Variants in HTR3E observed in about 807,000 individuals in gnomAD.
The protein encoded by HTR3E is 5-hydroxytryptamine (serotonin) receptor 3, family member E.
A neutral mutation model predicts 38.0 loss-of-function variants in HTR3E; 38 were observed. The observed-to-expected ratio is 1.00, with a 90% CI of 0.77 to 1.31. HTR3E has a LOEUF of 1.31. HTR3E is among the 50% of genes most tolerant of loss of function. HTR3E has a pLI of 0.00. For synonymous variants in HTR3E, 210 were observed against 232.9 expected (o/e 0.90, Z 0.89); for missense variants, 547 against 585.2 (o/e 0.93, Z 0.67).
At position 184,100,579 on chromosome 3, in the gene HTR3E, C is replaced by T. The variant is rs188850143; in HGVS notation, c.162C>T (p.Phe54=). ...ATTCAGTGTTTAATAGAAAGCCCTT[C>T]CGTCCGGTCACCAACATCAGCGTCC... ...ALNSVFNRKP[F]RPVTNISVPT... Residue 54 remains phenylalanine, a synonymous_variant, in exon 2 of 9, where the codon TTC becomes TTT. Coordinates refer to ENST00000415389, the MANE Select transcript of HTR3E (RefSeq NM_001256613.2). 1.3e-5 allele frequency: 21 copies of T among 1,614,186 alleles called. No homozygotes were observed. The East Asian group carries it at 4.5e-4, about 34-fold the overall frequency.
Position 184,106,898 on chromosome 3 carries a change from A to G in HTR3E, c.*205A>G. The G allele has an allele frequency of 1.6e-6, 1 of 620,640 alleles. No homozygotes were observed. The highest frequency in any genetic ancestry group is 2.8e-6 in the Non-Finnish European group (1 of 355,726). 38.4% of individuals were successfully genotyped at this position (620,640 alleles called of 1,614,324 possible). A position where few individuals can be genotyped will look rare whatever the true frequency, so the allele number is the denominator to read the frequency against. On this transcript the variant is annotated 3_prime_UTR_variant, in exon 9 of 9. Coordinates refer to ENST00000415389, the MANE Select transcript of HTR3E (RefSeq NM_001256613.2). The surrounding 1 kb of genome is among the most constrained non-coding windows in gnomAD (Gnocchi z 4.1). ...TTCCTGCATTTTGTTGGCTTCCTTC[A>G]GTCCTACCATATGGTTCTAGGTCCC...
intron 1 of HTR3E, among the ~76,000 whole-genome samples, chr3:184,099,008 A>C (rs888017721): frequency 3.3e-5 from 5 of 151,984 alleles, no homozygotes; most frequent in African/African-American, 1.2e-4. Context: ...GCACCACTGC[A>C]CTCCAGCCTG....
intron 3 of HTR3E, among the ~76,000 whole-genome samples, chr3:184,103,425 C>T (rs866133668): frequency 6.6e-6 from 1 of 152,036 alleles, no homozygotes; most frequent in Non-Finnish European, 1.5e-5. Context: ...GTCAGGAGAT[C>T]AAGACCATCC....
At chr3:184,102,628 A>G (rs1560095055) in intron 3 of HTR3E, among the ~76,000 whole-genome samples, 1 of 149,712 alleles carries the variant, frequency 6.7e-6, no homozygotes, top group East Asian at 2.0e-4. Flanking sequence ...CTTAAAGTAT[A>G]TAAAAAAAAA....
Position 184,105,356 on chromosome 3 carries a change from C to T in HTR3E, c.649C>T (p.Leu217Phe), listed in dbSNP as rs1196637118. The T allele has an allele frequency of 2.5e-6, 4 of 1,614,028 alleles. No homozygotes were observed. Among genetic ancestry groups the T allele is most frequent in the South Asian group, 2.2e-5 (2 of 91,082 alleles). Residue 217 changes from leucine to phenylalanine, a missense_variant, in exon 6 of 9, where the codon CTC becomes TTC. Coordinates refer to ENST00000415389, the MANE Select transcript of HTR3E (RefSeq NM_001256613.2). Reference protein sequence around the residue: ...NILQTHGEWELLGLSKATAKL... With the variant: ...NILQTHGEWEFLGLSKATAKL... ...CCTTCAGACCCATGGAGAATGGGAG[C>T]TCCTGGGCCTCAGCAAGGCCACCGC...
Position 184,106,364 on chromosome 3 carries a change from C to A in HTR3E, c.1141+21C>A. 6.3e-7 allele frequency: 1 copy of A among 1,591,648 alleles called. No individual in the cohort carries two copies. Among genetic ancestry groups the A allele is most frequent in the Non-Finnish European group, 8.6e-7 (1 of 1,168,860 alleles). ...GCCCGGTGAGGGAAGTCACATTCCT[C>A]TTCCCCCACCTCCACTTCTCTGCTC... On this transcript the variant is annotated intron_variant, in intron 8 of 8. Coordinates refer to ENST00000415389, the MANE Select transcript of HTR3E (RefSeq NM_001256613.2). The surrounding 1 kb of genome is among the most constrained non-coding windows in gnomAD (Gnocchi z 4.1).
chr3:184,099,740 A>AAAAACC (rs1560093087), intron 1 of HTR3E, among the ~76,000 whole-genome samples: 7 of 53,198 alleles, frequency 1.3e-4, no homozygotes, highest in Non-Finnish European at 2.5e-4. Context: ...AAAAAAAAAA[A>AAAAACC]GAAAGAAATA....
In HTR3E at chr3:184,106,618, C is replaced by T. The variant is rs780750233; in HGVS notation, c.1296C>T (p.Asp432=). Residue 432 remains aspartate, a synonymous_variant, in exon 9 of 9, where the codon GAC becomes GAT. Coordinates refer to ENST00000415389, the MANE Select transcript of HTR3E (RefSeq NM_001256613.2). The surrounding 1 kb of genome is among the most constrained non-coding windows in gnomAD (Gnocchi z 4.1). ...ELWLQFSHAM[D]AMLFRLYLLF... is the part of the protein sequence containing the mutation. ...GGTTGCAGTTCAGCCACGCGATGGA[C>T]GCCATGCTCTTCCGCCTCTACCTGC... 47 of 1,614,210 alleles carry T rather than the reference C, an allele frequency of 2.9e-5. No individual in the cohort carries two copies. Among genetic ancestry groups the T allele is most frequent in the Non-Finnish European group, 3.6e-5 (42 of 1,180,038 alleles).
chr3:184,106,762 C>A lies in HTR3E; in HGVS notation c.*69C>A. The A allele has an allele frequency of 2.7e-6, 4 of 1,491,892 alleles. No individual in the cohort carries two copies. Among genetic ancestry groups the A allele is most frequent in the Non-Finnish European group, 3.7e-6 (4 of 1,081,680 alleles). 92.4% of individuals were successfully genotyped at this position (1,491,892 alleles called of 1,614,324 possible). ...TCCAGGGACTGGCCAGGTCTCCCCC[C>A]TTTCCTGAGTACCAACTATCATATC... On this transcript the variant is annotated 3_prime_UTR_variant, in exon 9 of 9. Transcript: ENST00000415389. This position sits in a 1 kb window ranked among gnomAD's most constrained non-coding sequence, Gnocchi z 4.1.
chr3:184,100,397 G>A (rs969334908), intron 1 of HTR3E, 88 bp from the exon 2 acceptor site: 4 of 1,613,826 alleles, frequency 2.5e-6, no homozygotes, highest in South Asian at 1.1e-5. Context: ...TTTATCACGG[G>A]CGACCCCACG....
At position 184,099,568 on chromosome 3, in the gene HTR3E, G is replaced by A. The variant is rs550285291; in HGVS notation, c.68-917G>A. Among the ~76,000 whole-genome samples, 80 of 151,170 alleles carry A rather than the reference G, an allele frequency of 5.3e-4. 2 individuals carry two copies. The East Asian group carries it at 0.015, about 28-fold the overall frequency. ...TCTCTACTAAAAATACAAAAAATTA[G>A]CCGGGCGCGGTGGCGGGCGCCTGTA... On this transcript the variant is annotated intron_variant, in intron 1 of 8. Transcript: ENST00000415389.
In HTR3E at chr3:184,106,397, C is replaced by T; in HGVS notation, c.1141+54C>T. Reference sequence around the variant, plus strand: ...ACCTCCACTTCTCTGCTCCTGCCTCCTTCCCTGTCTCCCTCCCTCCACAGG... The same window carrying T: ...ACCTCCACTTCTCTGCTCCTGCCTCTTTCCCTGTCTCCCTCCCTCCACAGG... On this transcript the variant is annotated intron_variant, in intron 8 of 8. Coordinates refer to ENST00000415389, the MANE Select transcript of HTR3E (RefSeq NM_001256613.2). This position sits in a 1 kb window ranked among gnomAD's most constrained non-coding sequence, Gnocchi z 4.1. The T allele has an allele frequency of 6.4e-7, 1 of 1,564,528 alleles. No individual in the cohort carries two copies. The highest frequency in any genetic ancestry group is 1.2e-5 in the South Asian group (1 of 85,182).
chr3:184,100,444 G>T (rs1182783724), intron 1 of HTR3E, 41 bp from the exon 2 acceptor site: 1 of 1,613,992 alleles, frequency 6.2e-7, no homozygotes, highest in Non-Finnish European at 8.5e-7. Flanking sequence ...GGGAGCACAG[G>T]GTTGCTCTCC....
rs781700551 is a variant in HTR3E, at chr3:184,100,585, G to A, written c.168G>A (p.Pro56=). The A allele has an allele frequency of 6.2e-6, 10 of 1,614,010 alleles. No homozygotes were observed. Among genetic ancestry groups the A allele is most frequent in the African/African-American group, 2.7e-5 (2 of 74,992 alleles). ...TGTTTAATAGAAAGCCCTTCCGTCC[G>A]GTCACCAACATCAGCGTCCCCACCC... is the stretch of plus-strand genomic sequence containing the variant. ...NSVFNRKPFR[P]VTNISVPTQV... is the part of the protein sequence containing the mutation. The change falls in exon 2 of 9, where the codon CCG becomes CCA. Residue 56 remains proline (P), a synonymous_variant. Coordinates refer to ENST00000415389, the MANE Select transcript of HTR3E (RefSeq NM_001256613.2).
Position 184,106,229 on chromosome 3 carries a change from CT to C in HTR3E, c.1028del (p.Leu343ArgfsTer40), listed in dbSNP as rs1276197241. ...LHVATTQPPP[L>X]PRWLHSLLLH... The stretch of plus-strand genomic sequence containing the variant: ...CGTGGCCACCACCCAGCCCCCACCC[CT>C]GCCTCGGTGGCTCCACTCCCTGCTG... On this transcript the variant is annotated frameshift_variant, in exon 8 of 9. Transcript: ENST00000415389. LOFTEE classifies it high-confidence loss of function. The surrounding 1 kb of genome is among the most constrained non-coding windows in gnomAD (Gnocchi z 4.1). The C allele has an allele frequency of 3.1e-6, 5 of 1,612,814 alleles. No homozygotes were observed. In the African/African-American group the frequency reaches 4.0e-5, roughly 13 times the overall value.
chr3:184,100,324 A>AT, intron 1 of HTR3E, 161 bp from the exon 2 acceptor site: 1 of 1,556,700 alleles, frequency 6.4e-7, no homozygotes. Context: ...GAGGTAATCC[A>AT]TTTTTAAAGG....
chr3:184,098,864 T>C (rs1711804544), intron 1 of HTR3E, among the ~76,000 whole-genome samples: 1 of 151,796 alleles, frequency 6.6e-6, no homozygotes, highest in Admixed American at 6.6e-5. Context: ...GCTAACATGG[T>C]GAAACCCCAT....
At chr3:184,102,501 G>A (rs1238817158) in intron 3 of HTR3E, among the ~76,000 whole-genome samples, 2 of 125,182 alleles carry the variant, frequency 1.6e-5, no homozygotes, top group African/African-American at 6.0e-5. Flanking sequence ...GAGGGGGGAG[G>A]GATGGCATTA....
At chr3:184,101,321 C>G (rs1205547698) in intron 2 of HTR3E, among the ~76,000 whole-genome samples, 164 bp from the exon 3 acceptor site, 1 of 152,196 alleles carries the variant, frequency 6.6e-6, no homozygotes, top group Non-Finnish European at 1.5e-5. Flanking sequence ...CTGCTGTGAA[C>G]TCTCCTGTCC....
Sources: allele counts gnomAD v4.1 joint callset (sites outside exome capture counted in the v4.1 genomes callset), GRCh38; gene constraint gnomAD v4.1.1; non-coding constraint Gnocchi (gnomAD v3.1); transcripts MANE v1.5; gene names NCBI Gene and HGNC (gene_info 2026-07-23, HGNC 2026-07-21).